The following TLE3 variants were observed in gnomAD, a reference collection of about 807,000 sequenced individuals.
The protein encoded by TLE3 is TLE family member 3, transcriptional corepressor, also known as transducin-like enhancer protein 3.
Under a neutral mutation model 93.0 loss-of-function variants are expected in TLE3, and 14 were observed. The ratio of observed to expected loss-of-function variants is 0.15; its 90% CI spans 0.10 to 0.24. TLE3 has a LOEUF of 0.24. Ranked by LOEUF, TLE3 falls within the 10% of genes least tolerant of loss-of-function variation. The pLI is 1.00. For missense variants in TLE3, 693 were observed against 1,046.6 expected (o/e 0.66, Z 4.66); for synonymous variants, 451 against 425.0 (o/e 1.06, Z -0.75).
At chr15:70,056,774 T>C (rs1209435848) in intron 13 of TLE3, among the ~76,000 whole-genome samples, 1 of 151,644 alleles carries the variant, frequency 6.6e-6, no homozygotes. Context: ...TTATTTTTAT[T>C]TTTTTGAGAT....
intron 7 of TLE3, among the ~76,000 whole-genome samples, chr15:70,065,273 G>A (rs1166741772): frequency 6.6e-6 from 1 of 152,234 alleles, no homozygotes; most frequent in African/African-American, 2.4e-5. Flanking sequence ...TTTGAAAAGG[G>A]CCTCCCAGGG....
chr15:70,056,505 C>T lies in TLE3; in HGVS notation c.1252-131G>A, dbSNP rs145309221. ...TTTGTAACCCAAGAGACAAGCTGAG[C>T]AGAGCAGAGCCCATTGATTCAGAGG... On this transcript the variant is annotated intron_variant, in intron 13 of 19. Transcript: ENST00000451782. The T allele has an allele frequency of 2.6e-4, 207 of 782,348 alleles. No homozygotes were observed. The East Asian group carries it at 5.2e-3, about 20-fold the overall frequency. 48.5% of individuals were successfully genotyped at this position (782,348 alleles called of 1,614,324 possible).
At position 70,048,987 on chromosome 15, in the gene TLE3, T is replaced by C. The variant is rs1327564161; in HGVS notation, c.*1110A>G. On this transcript the variant is annotated 3_prime_UTR_variant, in exon 20 of 20. Coordinates refer to ENST00000451782, the MANE Select transcript of TLE3 (RefSeq NM_001105192.3). ...TTTATAAAAGGACATCACTTCTAAT[T>C]CTTTTTATTCAAATTAAAAAAAAAA... 1 of 151,436 alleles carries C rather than the reference T, an allele frequency of 6.6e-6. No individual in the cohort carries two copies. The highest frequency in any genetic ancestry group is 2.4e-5 in the African/African-American group (1 of 41,250). 9.4% of individuals were successfully genotyped at this position (151,436 alleles called of 1,614,324 possible). A position where few individuals can be genotyped will look rare whatever the true frequency, so the allele number is the denominator to read the frequency against.
intron 4 of TLE3, among the ~76,000 whole-genome samples, chr15:70,078,927 G>A (rs1356378624): frequency 6.6e-6 from 1 of 152,164 alleles, no homozygotes; most frequent in Non-Finnish European, 1.5e-5. Flanking sequence ...TCAGGGTCTC[G>A]GGAGTTGACA....
intron 8 of TLE3, among the ~76,000 whole-genome samples, chr15:70,062,796 T>C (rs1595897868): frequency 6.6e-6 from 1 of 152,114 alleles, no homozygotes; most frequent in East Asian, 1.9e-4. Flanking sequence ...CCACATGCCA[T>C]GCGCACAGCC....
chr15:70,097,282 T>C lies in TLE3; in HGVS notation c.-484A>G, dbSNP rs916713188. On this transcript the variant is annotated 5_prime_UTR_variant, in exon 1 of 20. Transcript: ENST00000451782. ...AAGCATCCGGGGCGCGCGGGTCCGA[T>C]CCTAGAGGCGTCCGGGCCTGGGGCT... The C allele has an allele frequency of 5.0e-6, 2 of 401,440 alleles. No homozygotes were observed. The highest frequency in any genetic ancestry group is 8.7e-6 in the Non-Finnish European group (2 of 228,620). 24.9% of individuals were successfully genotyped at this position (401,440 alleles called of 1,614,324 possible).
chr15:70,065,996 G>GCCCCCC lies in TLE3; in HGVS notation c.577+17_577+18insGGGGGG. On this transcript the variant is annotated intron_variant, in intron 7 of 19. Coordinates refer to ENST00000451782, the MANE Select transcript of TLE3 (RefSeq NM_001105192.3). ...CCACCCCTGCCCCGCCCCACCCTCT[G>GCCCCCC]CCCCAGCCCAGCCGCACCTCTGTGA... is the stretch of plus-strand genomic sequence containing the variant. 1.5e-6 allele frequency: 2 copies of GCCCCCC among 1,347,804 alleles called. No homozygotes were observed. Among genetic ancestry groups the GCCCCCC allele is most frequent in the Non-Finnish European group, 1.0e-6 (1 of 955,762 alleles). 83.5% of individuals were successfully genotyped at this position (1,347,804 alleles called of 1,614,324 possible).
chr15:70,067,391 G>C (rs1421054542), intron 6 of TLE3, among the ~76,000 whole-genome samples: 3 of 152,216 alleles, frequency 2.0e-5, no homozygotes, highest in Non-Finnish European at 4.4e-5. Context: ...CCTGGCAAGG[G>C]AGGGGTTGTG....
chr15:70,057,647 G>C lies in TLE3; in HGVS notation c.1063C>G (p.Arg355Gly), dbSNP rs766703742. 1 of 1,574,290 alleles carries C rather than the reference G, an allele frequency of 6.4e-7. No individual in the cohort carries two copies. The highest frequency in any genetic ancestry group is 8.6e-7 in the Non-Finnish European group (1 of 1,165,432). ...GAGCTGGTGATGGAGATGGGCGTGC[G>C]CAGAGCCGAGGCTGCGAGGGGTGGG... Reference protein sequence around the residue: ...PGMDPIASALRTPISITSSYA... With the variant: ...PGMDPIASALGTPISITSSYA... Residue 355 changes from arginine to glycine, a missense_variant, in exon 13 of 20, where the codon CGC (arginine) becomes GGC (glycine). Arg to Gly is a moderately radical substitution (Grantham distance 125). Coordinates refer to ENST00000451782, the MANE Select transcript of TLE3 (RefSeq NM_001105192.3).
intron 3 of TLE3, 27 bp from the exon 4 acceptor site, chr15:70,094,603 CAG>C: frequency 6.7e-7 from 1 of 1,486,368 alleles, no homozygotes; most frequent in African/African-American, 1.4e-5. Flanking sequence ...TGGCTATTAA[CAG>C]ACAACACAGA....
intron 4 of TLE3, among the ~76,000 whole-genome samples, chr15:70,085,358 C>A (rs1433236948): frequency 6.6e-6 from 1 of 152,204 alleles, no homozygotes; most frequent in African/African-American, 2.4e-5. Context: ...CCGGCAAGAA[C>A]TTGTGATCTT....
chr15:70,087,122 C>T (rs1446275746), intron 4 of TLE3, among the ~76,000 whole-genome samples: 1 of 152,150 alleles, frequency 6.6e-6, no homozygotes, highest in Non-Finnish European at 1.5e-5. Context: ...TCCTTGAGTC[C>T]CCACAAAATG....
At chr15:70,090,431 T>C (rs767259748) in intron 4 of TLE3, among the ~76,000 whole-genome samples, 4 of 152,148 alleles carry the variant, frequency 2.6e-5, no homozygotes, top group Non-Finnish European at 4.4e-5. Flanking sequence ...TTGCAAGTGG[T>C]CCCACATTCT....
At chr15:70,078,241 G>C (rs988022269) in intron 4 of TLE3, among the ~76,000 whole-genome samples, 2 of 152,148 alleles carry the variant, frequency 1.3e-5, no homozygotes, top group African/African-American at 4.8e-5. Flanking sequence ...AGTAGGAATG[G>C]GGAATGAAGC....
intron 9 of TLE3, among the ~76,000 whole-genome samples, chr15:70,059,959 A>G (rs2056354444): frequency 6.6e-6 from 1 of 152,248 alleles, no homozygotes; most frequent in African/African-American, 2.4e-5. Flanking sequence ...ATGTGGCTGA[A>G]GAGGGCTGGG....
chr15:70,082,369 T>TAG, intron 4 of TLE3, among the ~76,000 whole-genome samples: 1 of 152,114 alleles, frequency 6.6e-6, no homozygotes, highest in East Asian at 1.9e-4. Flanking sequence ...GGTGGGGTTC[T>TAG]CAGGCCCTGC....
At chr15:70,050,440 A>G (rs1177032338) in intron 19 of TLE3, 6 of 446,274 alleles carry the variant, frequency 1.3e-5, no homozygotes, top group Non-Finnish European at 2.1e-5. Context: ...CTGCTTTTCC[A>G]TAAGGAAAAG....
In TLE3 at chr15:70,089,101, A is replaced by G. The variant is rs555523870; in HGVS notation, c.234+5431T>C. On this transcript the variant is annotated intron_variant, in intron 4 of 19. Coordinates refer to ENST00000451782, the MANE Select transcript of TLE3 (RefSeq NM_001105192.3). ...ACGTGTGGCTTCTAGAACATATCTCACTGCCTTGCCGCGAGCTGTTGCCAC... is the reference window on the plus strand; with the variant it reads ...ACGTGTGGCTTCTAGAACATATCTCGCTGCCTTGCCGCGAGCTGTTGCCAC... 1.6e-4 allele frequency among the ~76,000 whole-genome samples: 25 copies of G among 152,214 alleles called. No homozygotes were observed. The South Asian group carries it at 2.9e-3, about 18-fold the overall frequency.
In TLE3 at chr15:70,056,295, T is replaced by C. The variant is rs763986103; in HGVS notation, c.1328+3A>G. Reference sequence around the variant, plus strand: ...GCATGCAGTAAGTATAGCCAAAGCTTACGGTTTTCCTCCAGGAATGGAGGC... The same window carrying C: ...GCATGCAGTAAGTATAGCCAAAGCTCACGGTTTTCCTCCAGGAATGGAGGC... On this transcript the variant is annotated splice_donor_region_variant and intron_variant, in intron 14 of 19. Transcript: ENST00000451782. 2.5e-6 allele frequency: 4 copies of C among 1,613,476 alleles called. No individual in the cohort carries two copies. The East Asian group carries it at 6.7e-5, about 27-fold the overall frequency.
Sources: allele counts gnomAD v4.1 joint callset (sites outside exome capture counted in the v4.1 genomes callset), GRCh38; gene constraint gnomAD v4.1.1; transcripts MANE v1.5; gene names NCBI Gene and HGNC (gene_info 2026-07-23, HGNC 2026-07-21).